Variants in CLVS1 observed in about 807,000 individuals in gnomAD.
The protein encoded by CLVS1 is clavesin-1.
Under a neutral mutation model 33.1 loss-of-function variants are expected in CLVS1, and 10 were observed. That is an observed-to-expected ratio of 0.30 (90% CI 0.19 to 0.51). The LOEUF is 0.51. CLVS1 is among the 20% of genes least tolerant of loss of function. The pLI is 0.97. For missense variants in CLVS1, 343 were observed against 433.4 expected (o/e 0.79, Z 1.85); for synonymous variants, 163 against 166.1 (o/e 0.98, Z 0.14).
chr8:61,070,034 C>T (rs1189603360), intron 1 of CLVS1, among the ~76,000 whole-genome samples: 1 of 152,138 alleles, frequency 6.6e-6, no homozygotes, highest in Non-Finnish European at 1.5e-5. Context: ...TTCCTGTGAT[C>T]CACCCGCCTC....
At chr8:61,082,144 A>AG (rs981618310) in intron 1 of CLVS1, among the ~76,000 whole-genome samples, 3 of 151,994 alleles carry the variant, frequency 2.0e-5, no homozygotes, top group African/African-American at 7.3e-5. Flanking sequence ...CTAGCAATAA[A>AG]AAAAAATTCA....
intron 2 of CLVS1, among the ~76,000 whole-genome samples, chr8:61,270,003 A>T (rs1420453653): frequency 6.7e-6 from 1 of 149,700 alleles, no homozygotes; most frequent in African/African-American, 2.4e-5. Flanking sequence ...AATACCCTTT[A>T]TTTCCTTCTC....
chr8:61,041,962 C>A, the CLVS1 span, among the ~76,000 whole-genome samples: 2 of 152,092 alleles, frequency 1.3e-5, no homozygotes, highest in African/African-American at 2.4e-5. Flanking sequence ...GAGTTTTGAA[C>A]CCCCTGTCAT....
intron 2 of CLVS1, among the ~76,000 whole-genome samples, chr8:61,161,993 CA>C (rs34857935): frequency 0.28 from 19,570 of 70,002 alleles, 2,426 homozygotes; most frequent in African/African-American, 0.41. Context: ...TACTTTTTGA[CA>C]AAAAAAAAAA....
intron 1 of CLVS1, among the ~76,000 whole-genome samples, chr8:61,114,242 G>A (rs535288749): frequency 1.1e-4 from 17 of 152,324 alleles, no homozygotes; most frequent in Non-Finnish European, 2.4e-4. Context: ...GACTATAGTT[G>A]CTTTACTCAT....
chr8:61,288,405 C>A (rs761642816), intron 1 of CLVS1, among the ~76,000 whole-genome samples: 8 of 152,222 alleles, frequency 5.3e-5, no homozygotes, highest in Non-Finnish European at 1.2e-4. Flanking sequence ...GCCACCATCA[C>A]CAGCGCGGTA....
chr8:61,091,400 G>A (rs909245604), intron 1 of CLVS1, among the ~76,000 whole-genome samples: 2 of 152,208 alleles, frequency 1.3e-5, no homozygotes, highest in African/African-American at 4.8e-5. Flanking sequence ...CACTAAGTTT[G>A]TGGGAATTTG....
chr8:61,115,950 A>G (rs1177786225), intron 1 of CLVS1, among the ~76,000 whole-genome samples: 1 of 145,278 alleles, frequency 6.9e-6, no homozygotes, highest in African/African-American at 2.6e-5. Context: ...GAATCGCCAC[A>G]CTGACTTCCA....
At chr8:61,217,992 AC>A (rs1483513114) in intron 2 of CLVS1, among the ~76,000 whole-genome samples, 2 of 152,216 alleles carry the variant, frequency 1.3e-5, no homozygotes, top group African/African-American at 4.8e-5. Context: ...TATCAAAAAG[AC>A]AAAAAATAAC....
At chr8:61,028,695 T>C in the CLVS1 span, among the ~76,000 whole-genome samples, 1 of 152,256 alleles carries the variant, frequency 6.6e-6, no homozygotes, top group East Asian at 1.9e-4. Flanking sequence ...TGGGGATGGG[T>C]TGTTGCCACA....
At chr8:61,274,580 A>G (rs1326544157) in intron 2 of CLVS1, among the ~76,000 whole-genome samples, 1 of 152,164 alleles carries the variant, frequency 6.6e-6, no homozygotes, top group Non-Finnish European at 1.5e-5. Flanking sequence ...CGAATCTGAG[A>G]TGTTTTCATC....
intron 2 of CLVS1, among the ~76,000 whole-genome samples, chr8:61,366,617 G>T (rs1349803780): frequency 6.6e-6 from 1 of 152,168 alleles, no homozygotes; most frequent in East Asian, 1.9e-4. Flanking sequence ...AGGCAAGTTG[G>T]CACCATGCCT....
intron 2 of CLVS1, among the ~76,000 whole-genome samples, chr8:61,234,570 C>G (rs1301055920): frequency 6.6e-6 from 1 of 152,120 alleles, no homozygotes; most frequent in Non-Finnish European, 1.5e-5. Flanking sequence ...TACACGCTAT[C>G]CCGTTGCACC....
chr8:61,158,422 A>G (rs1386476380), intron 2 of CLVS1, among the ~76,000 whole-genome samples: 2 of 152,172 alleles, frequency 1.3e-5, no homozygotes, highest in Non-Finnish European at 2.9e-5. Flanking sequence ...AGATCTGAGC[A>G]CTCAGTGTGT....
rs543457910 is a variant in CLVS1 at position 61,272,013 on chromosome 8, T to C, written c.-151-27664T>C. Among the ~76,000 whole-genome samples the C allele has an allele frequency of 1.2e-4, 18 of 151,846 alleles. No homozygotes were observed. In the East Asian group the frequency reaches 3.3e-3, roughly 28 times the overall value. ...TTTACATTTAAAGTTAATATTGTTA[T>C]GTGTGAATTTGATCCTGTCATTATG... On this transcript the variant is annotated intron_variant, in intron 2 of 2. Coordinates refer to the CLVS1 transcript ENST00000522621.
chr8:60,971,279 A>G, the CLVS1 span, among the ~76,000 whole-genome samples: 1 of 152,064 alleles, frequency 6.6e-6, no homozygotes, highest in Admixed American at 6.5e-5. Context: ...GGGTTTCGCC[A>G]TGTTGCCCAG....
chr8:61,410,260 C>T (rs1317449798), intron 3 of CLVS1, among the ~76,000 whole-genome samples: 2 of 151,802 alleles, frequency 1.3e-5, no homozygotes, highest in African/African-American at 4.8e-5. Flanking sequence ...GTTTTTGTTT[C>T]CTAGGAGACT....
intron 1 of CLVS1, among the ~76,000 whole-genome samples, chr8:61,059,000 G>A (rs1420855478): frequency 6.6e-6 from 1 of 152,104 alleles, no homozygotes; most frequent in Non-Finnish European, 1.5e-5. Flanking sequence ...GAGCTTCAAT[G>A]AACATCCATG....
intron 2 of CLVS1, among the ~76,000 whole-genome samples, chr8:61,201,903 C>A (rs1377202602): frequency 6.6e-6 from 1 of 152,144 alleles, no homozygotes; most frequent in African/African-American, 2.4e-5. Context: ...GAGAGTACAC[C>A]AAACAAAGGA....
Sources: allele counts gnomAD v4.1 joint callset (sites outside exome capture counted in the v4.1 genomes callset), GRCh38; gene constraint gnomAD v4.1.1; transcripts MANE v1.5; gene names NCBI Gene and HGNC (gene_info 2026-07-23, HGNC 2026-07-21).